The following SPG11 variants were observed in gnomAD, a reference collection of about 807,000 sequenced individuals.
The protein encoded by SPG11 is spatacsin.
A neutral mutation model predicts 274.0 loss-of-function variants in SPG11; 222 were observed. The ratio of observed to expected loss-of-function variants is 0.81; its 90% CI spans 0.73 to 0.91. The LOEUF is 0.91. Among genes scored for constraint, SPG11 ranks in the 40% least tolerant of loss-of-function variants. SPG11 has a pLI of 0.00. For missense variants in SPG11, 3,114 were observed against 2,872.7 expected, an observed-to-expected ratio of 1.08 and a Z score of -1.92; for synonymous variants, 1,144 against 1,039.7, an observed-to-expected ratio of 1.10 and a Z score of -1.93.
chr15:44,653,788 T>C (rs554949655), intron 4 of SPG11, among the ~76,000 whole-genome samples: 101 of 152,260 alleles, frequency 6.6e-4, no homozygotes, highest in Middle Eastern at 6.8e-3. Context: ...AGTAGGTACC[T>C]GAAACTGCAG....
In SPG11 at chr15:44,633,627, T is replaced by C; in HGVS notation, c.1613A>G (p.Glu538Gly). The change falls in exon 8 of 40, where the codon GAA (glutamate) becomes GGA (glycine). Residue 538 changes from glutamate to glycine, a missense_variant. By Grantham distance (98) the Glu-to-Gly change is moderately conservative. Coordinates refer to ENST00000261866, the MANE Select transcript of SPG11 (RefSeq NM_025137.4). ...IPIHALEAGI[E>G]NRQLDTVNFF... ...ATTTACTGTGTCCAGCTGACGATTT[T>C]CTATCCCGGCCTGAAATGAGGAGGA... 3 of 1,613,456 alleles carry C rather than the reference T, an allele frequency of 1.9e-6. No homozygotes were observed. The East Asian group carries it at 6.7e-5, about 36-fold the overall frequency.
chr15:44,662,526 G>A (rs1159977769), intron 1 of SPG11, among the ~76,000 whole-genome samples: 3 of 151,822 alleles, frequency 2.0e-5, no homozygotes, highest in African/African-American at 7.3e-5. Context: ...AAATTAGCCA[G>A]GCCTGGTGGT....
Position 44,564,618 on chromosome 15 carries a change from G to A in SPG11, c.7080C>T (p.Asp2360=). The A allele has an allele frequency of 5.6e-6, 9 of 1,613,898 alleles. No individual in the cohort carries two copies. The highest frequency in any genetic ancestry group is 7.6e-6 in the Non-Finnish European group (9 of 1,179,802). Residue 2360 remains aspartate (D), a synonymous_variant, in exon 39 of 40, where the codon GAC becomes GAT. Coordinates refer to ENST00000261866, the MANE Select transcript of SPG11 (RefSeq NM_025137.4). ...ILYQQVILKG[D]FNYLEEFKQQ... ...GCTTAAATTCTTCCAAGTAATTAAAGTCTCCTTTAAGAATCACTTGCTGGT... is the reference window on the plus strand; with the variant it reads ...GCTTAAATTCTTCCAAGTAATTAAAATCTCCTTTAAGAATCACTTGCTGGT...
Position 44,573,453 on chromosome 15 carries a change from T to C in SPG11, c.6205+94A>G, listed in dbSNP as rs1045591638. ...AATCCAGAAACTTGAGAGAACCACA[T>C]ACAGGATGTATATAAGCACAACATC... On this transcript the variant is annotated intron_variant, in intron 32 of 39. Coordinates refer to ENST00000261866, the MANE Select transcript of SPG11 (RefSeq NM_025137.4). 4 of 1,333,952 alleles carry C rather than the reference T, an allele frequency of 3.0e-6. No homozygotes were observed. In the Admixed American group the frequency reaches 7.2e-5, roughly 24 times the overall value. The allele number at this position is 1,333,952 out of a possible 1,614,324, so 82.6% of individuals were successfully genotyped here. A position where few individuals can be genotyped will look rare whatever the true frequency, so the allele number is the denominator to read the frequency against.
At chr15:44,628,569 G>T in intron 10 of SPG11, 100 bp downstream of exon 10, 1 of 1,147,138 alleles carries the variant, frequency 8.7e-7, no homozygotes, top group Non-Finnish European at 1.3e-6. Context: ...CAAACATTCT[G>T]AATCACAAGT....
At chr15:44,630,936 AAAAAG>A (rs905587769) in intron 8 of SPG11, among the ~76,000 whole-genome samples, 37 of 152,250 alleles carry the variant, frequency 2.4e-4, no homozygotes, top group African/African-American at 8.4e-4. Context: ...TAGGAAGAAA[AAAAAG>A]AAAACATCCA....
chr15:44,629,562 T>C (rs544475064), intron 8 of SPG11, among the ~76,000 whole-genome samples, 174 bp from the exon 9 acceptor site: 172 of 152,316 alleles, frequency 1.1e-3, no homozygotes, highest in Non-Finnish European at 1.1e-3. Flanking sequence ...ACTTTAATGA[T>C]TCTAATTATT....
intron 2 of SPG11, among the ~76,000 whole-genome samples, chr15:44,659,793 G>A (rs1412765041): frequency 6.6e-6 from 1 of 152,222 alleles, no homozygotes; most frequent in Non-Finnish European, 1.5e-5. Context: ...AGCAGGGGTG[G>A]CTCACACCTG....
chr15:44,650,951 T>C (rs774878567), intron 6 of SPG11, among the ~76,000 whole-genome samples: 17 of 152,180 alleles, frequency 1.1e-4, no homozygotes, highest in Non-Finnish European at 2.5e-4. Flanking sequence ...TTTCACCATA[T>C]TGGTCAGGCT....
intron 19 of SPG11, among the ~76,000 whole-genome samples, chr15:44,606,782 A>G (rs980453368): frequency 4.6e-5 from 7 of 152,224 alleles, no homozygotes; most frequent in African/African-American, 1.7e-4. Flanking sequence ...TCTATTAAAG[A>G]AGGAATACTT....
intron 30 of SPG11, among the ~76,000 whole-genome samples, chr15:44,575,580 T>C (rs2082518982): frequency 6.6e-6 from 1 of 151,112 alleles, no homozygotes; most frequent in Non-Finnish European, 1.5e-5. Flanking sequence ...CTGCAACCTC[T>C]GCCTCCAGGG....
In SPG11 at chr15:44,628,991, G is replaced by A. The variant is rs1329953393; in HGVS notation, c.1892-147C>T. ...TGTCTGAGGATTTTCCTTTTTACAA[G>A]TAAGTAGCTCTGTATTTTAATATAA... On this transcript the variant is annotated intron_variant, in intron 9 of 39. Coordinates refer to ENST00000261866, the MANE Select transcript of SPG11 (RefSeq NM_025137.4). 3.3e-6 allele frequency: 3 copies of A among 904,896 alleles called. No individual in the cohort carries two copies. The Admixed American group carries it at 6.1e-5, about 18-fold the overall frequency. 56.1% of individuals were successfully genotyped at this position (904,896 alleles called of 1,614,324 possible).
At chr15:44,635,022 C>T (rs1013107763) in intron 7 of SPG11, among the ~76,000 whole-genome samples, 1 of 151,650 alleles carries the variant, frequency 6.6e-6, no homozygotes, top group Non-Finnish European at 1.5e-5. Flanking sequence ...TCGAGACCAG[C>T]CTGGCTAACA....
intron 37 of SPG11, 34 bp downstream of exon 37, chr15:44,566,183 C>T: frequency 1.2e-6 from 2 of 1,611,782 alleles, no homozygotes; most frequent in Non-Finnish European, 1.7e-6. Flanking sequence ...GACAGCAAGT[C>T]CCAAGGCCAG....
At position 44,598,758 on chromosome 15, in the gene SPG11, A is replaced by C; in HGVS notation, c.3765T>G (p.Val1255=). The change falls in exon 22 of 40, where the codon GTT becomes GTG. Residue 1255 remains valine, a synonymous_variant. Coordinates refer to ENST00000261866, the MANE Select transcript of SPG11 (RefSeq NM_025137.4). ...FHIPSIGAAC[V]CFLELLGLDS... ...CAAGGCCAAGCAATTCTAAGAAACA[A>C]ACACATGCAGCTCCTATTGAAGGTA... 1 of 1,614,198 alleles carries C rather than the reference A, an allele frequency of 6.2e-7. No individual in the cohort carries two copies. Among genetic ancestry groups the C allele is most frequent in the Non-Finnish European group, 8.5e-7 (1 of 1,180,022 alleles).
chr15:44,647,415 A>G (rs190116475), intron 7 of SPG11, among the ~76,000 whole-genome samples: 202 of 152,354 alleles, frequency 1.3e-3, no homozygotes, highest in African/African-American at 4.4e-3. Context: ...ACAGCTAGGT[A>G]TATACCCCAG....
Position 44,660,491 on chromosome 15 carries a change from G to A in SPG11, c.383C>T (p.Thr128Ile). 1 of 1,614,010 alleles carries A rather than the reference G, an allele frequency of 6.2e-7. No homozygotes were observed. Among genetic ancestry groups the A allele is most frequent in the Admixed American group, 1.7e-5 (1 of 60,022 alleles). ...CTCCCTACTACAGCTATACAAAATG[G>A]TTGCATCACATCTTCCATCTTTCAA... Reference protein sequence around the residue: ...FNLKDGRCDATILYSCSREAL... With the variant: ...FNLKDGRCDAIILYSCSREAL... The change falls in exon 2 of 40, where the codon ACC (threonine) becomes ATC (isoleucine). Residue 128 changes from threonine (T) to isoleucine (I), a missense_variant. Transcript: ENST00000261866.
At chr15:44,654,683 T>C (rs1429737609) in intron 4 of SPG11, among the ~76,000 whole-genome samples, 1 of 151,380 alleles carries the variant, frequency 6.6e-6, no homozygotes, top group East Asian at 1.9e-4. Flanking sequence ...CTACTAAAAA[T>C]ACAAAAAATT....
At chr15:44,655,163 G>A (rs921666896) in intron 4 of SPG11, among the ~76,000 whole-genome samples, 5 of 152,158 alleles carry the variant, frequency 3.3e-5, no homozygotes, top group African/African-American at 7.2e-5. Context: ...GCACAGTGAC[G>A]TGAACGTATA....
Sources: gnomAD v4.1 joint callset for allele counts (sites outside exome capture counted in the v4.1 genomes callset) on GRCh38, gnomAD v4.1.1 for gene constraint, MANE v1.5 for transcripts, NCBI Gene and HGNC (gene_info 2026-07-23, HGNC 2026-07-21) for gene names.